Variants in ATG2A observed in about 807,000 individuals in gnomAD.
ATG2A encodes autophagy-related protein 2 homolog A.
ATG2A carries 103 observed loss-of-function variants against 214.2 expected under a neutral mutation model. The observed-to-expected ratio is 0.48, with a 90% CI of 0.41 to 0.57. ATG2A has a LOEUF of 0.57. Among genes scored for constraint, ATG2A ranks in the 20% least tolerant of loss-of-function variants. The pLI, the probability that ATG2A is intolerant of heterozygous loss-of-function variation, is 0.00. For synonymous variants in ATG2A, 1,160 were observed against 1,142.1 expected, an observed-to-expected ratio of 1.02 and a Z score of -0.32; for missense variants, 2,312 against 2,613.2, an observed-to-expected ratio of 0.88 and a Z score of 2.51.
chr11:64,905,952 A>G (rs1451660502), intron 22 of ATG2A, 104 bp from the exon 23 acceptor site: 1 of 1,382,434 alleles, frequency 7.2e-7, no homozygotes, highest in Non-Finnish European at 1.0e-6. Flanking sequence ...CCTTCTGCCC[A>G]CTAGCTGTCT....
chr11:64,906,656 G>C lies in ATG2A; in HGVS notation c.2983+9C>G, dbSNP rs570641768. On this transcript the variant is annotated intron_variant, in intron 20 of 40. Coordinates refer to ENST00000377264, the MANE Select transcript of ATG2A (RefSeq NM_015104.3). ...GACCCCAGTGGTGACCTGCCCCCAG[G>C]CCTCACACCTCGGTGGTAGAGTGTT... is the stretch of plus-strand genomic sequence containing the variant. The C allele has an allele frequency of 6.2e-6, 10 of 1,613,364 alleles. No individual in the cohort carries two copies. The African/African-American group carries it at 1.1e-4, about 17-fold the overall frequency.
Position 64,905,792 on chromosome 11 carries a change from C to A in ATG2A, c.3321G>T (p.Thr1107=), listed in dbSNP as rs765608911. 1.2e-6 allele frequency: 2 copies of A among 1,613,812 alleles called. No homozygotes were observed. Among genetic ancestry groups the A allele is most frequent in the Non-Finnish European group, 1.7e-6 (2 of 1,180,008 alleles). ...DDPVLGYLPP[T]VITILHTHLF... The stretch of plus-strand genomic sequence containing the variant: ...GGTGTGTGTGCAGGATGGTGATGAC[C>A]GTCGGGGGCAGGTAGCCCAGCACAG... Residue 1107 remains threonine, a synonymous_variant, in exon 23 of 41, where the codon ACG becomes ACT. Coordinates refer to ENST00000377264, the MANE Select transcript of ATG2A (RefSeq NM_015104.3).
In ATG2A at chr11:64,913,080, C is replaced by T. The variant is rs1362896849; in HGVS notation, c.783G>A (p.Leu261=). 2 of 1,574,340 alleles carry T rather than the reference C, an allele frequency of 1.3e-6. No homozygotes were observed. Among genetic ancestry groups the T allele is most frequent in the South Asian group, 2.3e-5 (2 of 85,792 alleles). ...QIGSCSGYME[L]MVKLKQNEAF... is the part of the protein sequence containing the mutation. Reference sequence around the variant, plus strand: ...CCTCATTTTGCTTCAACTTCACCATCAGCTCCATGTACCCTGAGCAGCTGC... The same window carrying T: ...CCTCATTTTGCTTCAACTTCACCATTAGCTCCATGTACCCTGAGCAGCTGC... Residue 261 remains leucine, a synonymous_variant, in exon 6 of 41, where the codon CTG becomes CTA. Coordinates refer to ENST00000377264, the MANE Select transcript of ATG2A (RefSeq NM_015104.3). This position sits in a 1 kb window ranked among gnomAD's most constrained non-coding sequence, Gnocchi z 4.3.
chr11:64,898,411 C>A lies in ATG2A; in HGVS notation c.4672-49G>T. On this transcript the variant is annotated intron_variant, in intron 32 of 40. Transcript: ENST00000377264. This position sits in a 1 kb window ranked among gnomAD's most constrained non-coding sequence, Gnocchi z 4.5. ...GACACCTGCTGGGCCTCTGGGGCAG[C>A]AGCTCACCCAGCTGTTCCCTGACAG... is the stretch of plus-strand genomic sequence containing the variant. 6.7e-7 allele frequency: 1 copy of A among 1,485,748 alleles called. No individual in the cohort carries two copies. 92.0% of individuals were successfully genotyped at this position (1,485,748 alleles called of 1,614,324 possible).
Position 64,909,325 on chromosome 11 carries a change from C to T in ATG2A, c.2150G>A (p.Arg717His), listed in dbSNP as rs145534182. The part of the protein sequence containing the change: ...DGGKPPVPCL[R>H]VSKALDPKST... ...CTTGGGGTCCAGGGCTTTGGAGACACGCAGGCAAGGGACAGGTGGCTTCCC... is the reference window on the plus strand; with the variant it reads ...CTTGGGGTCCAGGGCTTTGGAGACATGCAGGCAAGGGACAGGTGGCTTCCC... The change falls in exon 15 of 41, where the codon CGT (arginine) becomes CAT (histidine). Residue 717 changes from arginine to histidine, a missense_variant. Coordinates refer to ENST00000377264, the MANE Select transcript of ATG2A (RefSeq NM_015104.3). The T allele has an allele frequency of 5.6e-5, 90 of 1,613,628 alleles. No individual in the cohort carries two copies. The African/African-American group carries it at 8.3e-4, about 15-fold the overall frequency.
rs987700044 is a variant in ATG2A, at chr11:64,914,188, G to T, written c.380C>A (p.Thr127Lys). The change falls in exon 3 of 41, where the codon ACA becomes AAA. Residue 127 changes from threonine to lysine, a missense_variant. By Grantham distance (78) the Thr-to-Lys change is moderately conservative (BLOSUM62 -1). Transcript: ENST00000377264. ...DSQSWASCMT[T>K]SLQLAQECLR... ...ACACTCCTGGGCCAGCTGCAGGCTTGTGGTCATGCATGAGGCCCAGCTCTG... is the reference window on the plus strand; with the variant it reads ...ACACTCCTGGGCCAGCTGCAGGCTTTTGGTCATGCATGAGGCCCAGCTCTG... The T allele has an allele frequency of 1.9e-6, 3 of 1,553,754 alleles. No individual in the cohort carries two copies. Among genetic ancestry groups the T allele is most frequent in the Non-Finnish European group, 1.7e-6 (2 of 1,148,568 alleles).
chr11:64,903,672 C>T lies in ATG2A; in HGVS notation c.3465-12G>A. ...CATCGAGGATGAACCTGGGGGGGAA[C>T]AGGGCTGAGAAGGGCCCGGGCACCG... On this transcript the variant is annotated splice_polypyrimidine_tract_variant and intron_variant, in intron 24 of 40. Coordinates refer to ENST00000377264, the MANE Select transcript of ATG2A (RefSeq NM_015104.3). The surrounding 1 kb of genome is among the most constrained non-coding windows in gnomAD (Gnocchi z 4.2). 1 of 1,548,552 alleles carries T rather than the reference C, an allele frequency of 6.5e-7. No homozygotes were observed. Among genetic ancestry groups the T allele is most frequent in the South Asian group, 1.2e-5 (1 of 83,966 alleles).
chr11:64,913,825 G>T lies in ATG2A; in HGVS notation c.586C>A (p.Gln196Lys). 6.2e-7 allele frequency: 1 copy of T among 1,612,938 alleles called. No individual in the cohort carries two copies. The change falls in exon 4 of 41, where the codon CAG (glutamine) becomes AAG (lysine). Residue 196 changes from glutamine (Q) to lysine (K), a missense_variant. Transcript: ENST00000377264. The surrounding 1 kb of genome is among the most constrained non-coding windows in gnomAD (Gnocchi z 4.3). ...ERGVAVEVRV[Q>K]RLEYCDEAVR... ...CCCAGATCGGCCTGCCCTTACCTCT[G>T]CACACGGACCTCGACGGCCACACCA...
chr11:64,907,672 A>G lies in ATG2A; in HGVS notation c.2508-8T>C, dbSNP rs1944604373. 1.3e-6 allele frequency: 2 copies of G among 1,593,878 alleles called. No homozygotes were observed. Among genetic ancestry groups the G allele is most frequent in the Non-Finnish European group, 1.7e-6 (2 of 1,169,256 alleles). On this transcript the variant is annotated splice_polypyrimidine_tract_variant and splice_region_variant and intron_variant, in intron 17 of 40. Transcript: ENST00000377264. ...AGCAGGTCGTTGTTGATCCTGAGAT[A>G]GGCGGGTGGACAGCAGGTAAGGGAG... is the stretch of plus-strand genomic sequence containing the variant.
rs766180103 is a variant in ATG2A at position 64,902,248 on chromosome 11, C to T, written c.3904+12G>A. 1.2e-6 allele frequency: 2 copies of T among 1,613,038 alleles called. No individual in the cohort carries two copies. The highest frequency in any genetic ancestry group is 2.2e-5 in the South Asian group (2 of 91,076). On this transcript the variant is annotated intron_variant, in intron 28 of 40. Transcript: ENST00000377264. ...GACTGTGTCTGCTGTCCCCACAGCACCCCCACTTCACCTGAAGGCTGGGCC... is the reference window on the plus strand; with the variant it reads ...GACTGTGTCTGCTGTCCCCACAGCATCCCCACTTCACCTGAAGGCTGGGCC...
intron 1 of ATG2A, among the ~76,000 whole-genome samples, chr11:64,916,391 C>T (rs1410361186): frequency 6.6e-6 from 1 of 152,194 alleles, no homozygotes; most frequent in Non-Finnish European, 1.5e-5. Context: ...AGGAAGTAGG[C>T]AGCGACCCAG....
Position 64,903,389 on chromosome 11 carries a change from C to T in ATG2A, c.3536-25G>A. 2 of 1,612,526 alleles carry T rather than the reference C, an allele frequency of 1.2e-6. No homozygotes were observed. Among genetic ancestry groups the T allele is most frequent in the South Asian group, 1.1e-5 (1 of 90,988 alleles). ...TCTGCAGCAGAGGCGAGAGAAAGGTCCTGTGGCCCCCTTCCACCCGGCCCC... is the reference window on the plus strand; with the variant it reads ...TCTGCAGCAGAGGCGAGAGAAAGGTTCTGTGGCCCCCTTCCACCCGGCCCC... On this transcript the variant is annotated intron_variant, in intron 25 of 40. Coordinates refer to ENST00000377264, the MANE Select transcript of ATG2A (RefSeq NM_015104.3). This position sits in a 1 kb window ranked among gnomAD's most constrained non-coding sequence, Gnocchi z 4.2.
intron 14 of ATG2A, 127 bp from the exon 15 acceptor site, chr11:64,909,494 A>G (rs1944681167): frequency 1.4e-6 from 2 of 1,392,702 alleles, no homozygotes; most frequent in African/African-American, 2.9e-5. Flanking sequence ...AGAAAGCCAG[A>G]GACAAAGGGT....
Position 64,898,725 on chromosome 11 carries a change from C to T in ATG2A, c.4582G>A (p.Val1528Ile), listed in dbSNP as rs992680615. Reference sequence around the variant, plus strand: ...TGGGAGGAGGCGAGCCGGTCTCGGACCTCCAGCTCCTGCACGATGAACACC... The same window carrying T: ...TGGGAGGAGGCGAGCCGGTCTCGGATCTCCAGCTCCTGCACGATGAACACC... ...RQVFIVQELEVRDRLASSQIN... is the reference protein window; with the variant it reads ...RQVFIVQELEIRDRLASSQIN... Residue 1528 changes from valine (V) to isoleucine (I), a missense_variant, in exon 32 of 41, where the codon GTC becomes ATC. Coordinates refer to ENST00000377264, the MANE Select transcript of ATG2A (RefSeq NM_015104.3). This position sits in a 1 kb window ranked among gnomAD's most constrained non-coding sequence, Gnocchi z 4.5. The T allele has an allele frequency of 6.2e-7, 1 of 1,613,992 alleles. No individual in the cohort carries two copies. Among genetic ancestry groups the T allele is most frequent in the African/African-American group, 1.3e-5 (1 of 74,920 alleles).
chr11:64,914,281 T>C (rs1483805864), intron 2 of ATG2A, 48 bp from the exon 3 acceptor site: 2 of 1,554,562 alleles, frequency 1.3e-6, no homozygotes, highest in Non-Finnish European at 1.7e-6. Flanking sequence ...AGTCAGGTCC[T>C]GGACGCCCCA....
chr11:64,896,743 C>T lies in ATG2A; in HGVS notation c.5272+5G>A. The T allele has an allele frequency of 6.2e-7, 1 of 1,614,128 alleles. No individual in the cohort carries two copies. The highest frequency in any genetic ancestry group is 8.5e-7 in the Non-Finnish European group (1 of 1,179,950). On this transcript the variant is annotated splice_donor_5th_base_variant and intron_variant, in intron 38 of 40. Coordinates refer to ENST00000377264, the MANE Select transcript of ATG2A (RefSeq NM_015104.3). ...TTTCGAGGGCTTCCAAACCTAGACACTCACAGAGCTGGACAACCGAGTGCA... is the reference window on the plus strand; with the variant it reads ...TTTCGAGGGCTTCCAAACCTAGACATTCACAGAGCTGGACAACCGAGTGCA...
In ATG2A at chr11:64,896,778, C is replaced by A. The variant is rs758140381; in HGVS notation, c.5242G>T (p.Val1748Leu). The A allele has an allele frequency of 9.9e-6, 16 of 1,614,230 alleles. No individual in the cohort carries two copies. Among genetic ancestry groups the A allele is most frequent in the Non-Finnish European group, 1.3e-5 (15 of 1,180,050 alleles). The change falls in exon 38 of 41, where the codon GTG becomes TTG. Residue 1748 changes from valine to leucine, a missense_variant. Coordinates refer to ENST00000377264, the MANE Select transcript of ATG2A (RefSeq NM_015104.3). ...KNQLPGLLGG[V>L]GPMHSVVQLF... ...TGGACAACCGAGTGCATGGGGCCCACGCCTCCCAGCAGGCCGGGCAGCTGG... is the reference window on the plus strand; with the variant it reads ...TGGACAACCGAGTGCATGGGGCCCAAGCCTCCCAGCAGGCCGGGCAGCTGG...
rs1294226231 is a variant in ATG2A at position 64,895,008 on chromosome 11, C to A, written c.5782G>T (p.Ala1928Ser). 3 of 1,612,838 alleles carry A rather than the reference C, an allele frequency of 1.9e-6. No homozygotes were observed. Among genetic ancestry groups the A allele is most frequent in the Admixed American group, 3.3e-5 (2 of 59,988 alleles). Residue 1928 changes from alanine to serine, a missense_variant, in exon 41 of 41, where the codon GCC becomes TCC. By Grantham distance (99) the Ala-to-Ser change is moderately conservative (BLOSUM62 1). Coordinates refer to ENST00000377264, the MANE Select transcript of ATG2A (RefSeq NM_015104.3). This position sits in a 1 kb window ranked among gnomAD's most constrained non-coding sequence, Gnocchi z 5.0. ...GCACTGTCCGAGCGCCACTTGAGGG[C>A]GTGGTCCTTGTGGGCGTCGGGGACA... ...QIVPDAHKDHALKWRSDSAQD is the reference protein window; with the variant it reads ...QIVPDAHKDHSLKWRSDSAQD
At chr11:64,897,579 T>G in intron 36 of ATG2A, 85 bp from the exon 37 acceptor site, 1 of 1,604,580 alleles carries the variant, frequency 6.2e-7, no homozygotes, top group Non-Finnish European at 8.5e-7. Context: ...GCGCCCTGGC[T>G]GCTAACAGTG....
Sources: gnomAD v4.1 joint callset for allele counts (sites outside exome capture counted in the v4.1 genomes callset) on GRCh38, gnomAD v4.1.1 for gene constraint, Gnocchi (gnomAD v3.1) non-coding constraint, MANE v1.5 for transcripts, NCBI Gene and HGNC (gene_info 2026-07-23, HGNC 2026-07-21) for gene names.